The following PRSS23 variants were observed in gnomAD, a reference collection of about 807,000 sequenced individuals.
The protein encoded by PRSS23 is serine protease 23, also known as protease, serine 23.
Under a neutral mutation model 34.7 loss-of-function variants are expected in PRSS23, and 25 were observed. That is an observed-to-expected ratio of 0.72 (90% CI 0.53 to 1.01). The LOEUF (loss-of-function observed/expected upper bound fraction) is 1.01. Among genes scored for constraint, PRSS23 ranks in the 50% least tolerant of loss-of-function variants. The pLI, the probability that PRSS23 is intolerant of heterozygous loss-of-function variation, is 0.00. For synonymous variants in PRSS23, 176 were observed against 186.6 expected, an observed-to-expected ratio of 0.94 and a Z score of 0.46; for missense variants, 445 against 475.6, an observed-to-expected ratio of 0.94 and a Z score of 0.60.
chr11:86,856,562 T>C (rs1948573100), intron 2 of PRSS23, among the ~76,000 whole-genome samples: 1 of 152,302 alleles, frequency 6.6e-6, no homozygotes, highest in Non-Finnish European at 1.5e-5. Context: ...TGATGTACAG[T>C]ATGTCCTGAC....
At chr11:86,826,115 T>C (rs1175627080) in intron 2 of PRSS23, among the ~76,000 whole-genome samples, 2 of 152,122 alleles carry the variant, frequency 1.3e-5, no homozygotes, top group African/African-American at 4.8e-5. Context: ...CCCATGAGCA[T>C]GGAATGTTCT....
intron 2 of PRSS23, among the ~76,000 whole-genome samples, chr11:86,854,401 T>G (rs1409132631): frequency 1.3e-5 from 2 of 152,230 alleles, no homozygotes; most frequent in Non-Finnish European, 2.9e-5. Context: ...CTTTGTATAT[T>G]ATGGATAACA....
At chr11:86,861,735 C>T (rs1948616889) in intron 2 of PRSS23, among the ~76,000 whole-genome samples, 1 of 151,596 alleles carries the variant, frequency 6.6e-6, no homozygotes, top group Non-Finnish European at 1.5e-5. Flanking sequence ...GGGTGTACAC[C>T]CCCCTGTGAT....
chr11:86,929,695 A>G (rs1288660749), intron 2 of PRSS23, among the ~76,000 whole-genome samples: 1 of 152,232 alleles, frequency 6.6e-6, no homozygotes, highest in African/African-American at 2.4e-5. Context: ...TTTCCAGGAA[A>G]TTATGCTTCA....
At chr11:86,878,937 G>A (rs1391509924) in intron 2 of PRSS23, among the ~76,000 whole-genome samples, 1 of 137,812 alleles carries the variant, frequency 7.3e-6, no homozygotes, top group Non-Finnish European at 1.6e-5. Context: ...TAGGAAGTGA[G>A]GAGCGTCTCT....
At chr11:86,848,261 C>T (rs1948502206) in intron 2 of PRSS23, among the ~76,000 whole-genome samples, 1 of 152,110 alleles carries the variant, frequency 6.6e-6, no homozygotes, top group African/African-American at 2.4e-5. Context: ...GACCTTAAGT[C>T]CTACTGAAAA....
At chr11:86,831,598 G>A (rs1449227676) in intron 2 of PRSS23, among the ~76,000 whole-genome samples, 2 of 151,592 alleles carry the variant, frequency 1.3e-5, no homozygotes, top group Non-Finnish European at 1.5e-5. Flanking sequence ...AATATCCTAG[G>A]GGAATGTTAC....
At chr11:86,948,850 A>G (rs945147720) in intron 2 of PRSS23, 1 of 152,764 alleles carries the variant, frequency 6.5e-6, no homozygotes, top group African/African-American at 2.4e-5. Context: ...TAACAGCAAG[A>G]CCAGTCCCCT....
At chr11:86,874,034 G>T (rs1460241031) in intron 2 of PRSS23, among the ~76,000 whole-genome samples, 1 of 152,254 alleles carries the variant, frequency 6.6e-6, no homozygotes, top group African/African-American at 2.4e-5. Context: ...GATGGAAAAT[G>T]TGAGAGAAAA....
At chr11:86,918,233 G>A (rs1358584075) in intron 2 of PRSS23, among the ~76,000 whole-genome samples, 1 of 152,192 alleles carries the variant, frequency 6.6e-6, no homozygotes, top group Admixed American at 6.5e-5. Context: ...CAGAGATGAA[G>A]CTTGGGCAGG....
chr11:86,940,932 C>A (rs756630405), intron 2 of PRSS23: 1 of 152,184 alleles, frequency 6.6e-6, no homozygotes, highest in South Asian at 2.1e-4. Flanking sequence ...CCTACATAAA[C>A]GACCTACTGG....
At chr11:86,834,140 T>C (rs2134893580) in intron 2 of PRSS23, among the ~76,000 whole-genome samples, 1 of 152,340 alleles carries the variant, frequency 6.6e-6, no homozygotes, top group Middle Eastern at 3.4e-3. Context: ...ATTATTTCTT[T>C]GGCACACTTC....
chr11:86,796,748 G>A (rs1042532551), upstream of PRSS23, among the ~76,000 whole-genome samples: 3 of 151,044 alleles, frequency 2.0e-5, no homozygotes, highest in Non-Finnish European at 2.9e-5. Flanking sequence ...TCCTAGTTCT[G>A]CTCCCTTAAT....
At chr11:86,835,443 C>T (rs57474351) in intron 2 of PRSS23, among the ~76,000 whole-genome samples, 1,784 of 152,310 alleles carry the variant, frequency 0.012, 31 homozygotes, top group African/African-American at 0.041. Context: ...AGTCTTGCCC[C>T]GTTGGCAAGC....
chr11:86,805,129 T>C (rs1464413586), intron 1 of PRSS23, among the ~76,000 whole-genome samples: 1 of 152,174 alleles, frequency 6.6e-6, no homozygotes, highest in Non-Finnish European at 1.5e-5. Context: ...ATGTGGGAGA[T>C]ATATGACTCC....
chr11:86,854,895 G>A (rs1388335989), intron 2 of PRSS23, among the ~76,000 whole-genome samples: 2 of 152,178 alleles, frequency 1.3e-5, no homozygotes, highest in South Asian at 2.1e-4. Context: ...GGCCAGGTGC[G>A]GTTGCTCACG....
chr11:86,834,848 C>T (rs994742178), intron 2 of PRSS23, among the ~76,000 whole-genome samples: 2 of 152,140 alleles, frequency 1.3e-5, no homozygotes, highest in South Asian at 4.1e-4. Flanking sequence ...ATTAGTTCTG[C>T]CAGCTGAACA....
At chr11:86,838,379 A>G (rs532498498) in intron 2 of PRSS23, among the ~76,000 whole-genome samples, 1 of 152,248 alleles carries the variant, frequency 6.6e-6, no homozygotes, top group South Asian at 2.1e-4. Flanking sequence ...GCAGTCTGAG[A>G]TCAACCTGTG....
At chr11:86,915,012 G>C (rs772827405) in intron 2 of PRSS23, among the ~76,000 whole-genome samples, 16 of 152,206 alleles carry the variant, frequency 1.1e-4, no homozygotes, top group African/African-American at 1.7e-4. Context: ...CTCATAGCCT[G>C]CCTTTCTGGG....
Sources: allele counts gnomAD v4.1 joint callset (sites outside exome capture counted in the v4.1 genomes callset), GRCh38; gene constraint gnomAD v4.1.1; transcripts MANE v1.5; gene names NCBI Gene and HGNC (gene_info 2026-07-23, HGNC 2026-07-21).